The following HDAC9 variants were observed in gnomAD, a reference collection of about 807,000 sequenced individuals.
HDAC9 encodes MEF-2 interacting transcription repressor (MITR) protein.
In HDAC9, 41 loss-of-function variants were observed where a neutral mutation model predicts 139.4. That is an observed-to-expected ratio of 0.29 (90% confidence interval 0.23 to 0.38). HDAC9 has a LOEUF of 0.38. HDAC9 is among the 10% of genes least tolerant of loss of function. HDAC9 has a pLI of 1.00. For missense variants in HDAC9, 1,147 were observed against 1,297.0 expected (o/e 0.88, Z 1.78); for synonymous variants, 517 against 476.2 (o/e 1.09, Z -1.12).
At chr7:18,778,469 T>C (rs555145237) in intron 16 of HDAC9, among the ~76,000 whole-genome samples, 1 of 152,034 alleles carries the variant, frequency 6.6e-6, no homozygotes, top group Non-Finnish European at 1.5e-5. Context: ...GGCTCTAATG[T>C]GCACTGTCCA....
intron 17 of HDAC9, among the ~76,000 whole-genome samples, chr7:18,803,429 C>G (rs762173135): frequency 3.9e-5 from 6 of 152,086 alleles, no homozygotes; most frequent in Non-Finnish European, 8.8e-5. Flanking sequence ...TATCTGAAAC[C>G]TCTGTTCTGG....
intron 2 of HDAC9, among the ~76,000 whole-genome samples, chr7:18,254,176 G>A (rs1362585553): frequency 6.6e-6 from 1 of 152,182 alleles, no homozygotes; most frequent in Non-Finnish European, 1.5e-5. Flanking sequence ...GGTGAATTTG[G>A]AAGCACCTAT....
chr7:18,507,164 C>T (rs1294772840), intron 2 of HDAC9, among the ~76,000 whole-genome samples: 2 of 123,912 alleles, frequency 1.6e-5, no homozygotes, highest in African/African-American at 6.9e-5. Context: ...TCCAAATATT[C>T]ATTACATATT....
intron 2 of HDAC9, among the ~76,000 whole-genome samples, chr7:18,175,768 A>AC (rs57980430): frequency 0.088 from 9,937 of 112,558 alleles, 621 homozygotes; most frequent in Non-Finnish European, 0.12. Context: ...ATTATTTTTA[A>AC]CCCCCCCCCC....
intron 2 of HDAC9, among the ~76,000 whole-genome samples, chr7:18,582,909 T>A (rs1223012764): frequency 6.6e-6 from 1 of 152,210 alleles, no homozygotes; most frequent in Non-Finnish European, 1.5e-5. Flanking sequence ...GCTTAGCCTA[T>A]ACAATGGGGC....
At chr7:18,669,457 G>A (rs575340656) in intron 12 of HDAC9, among the ~76,000 whole-genome samples, 86 of 151,868 alleles carry the variant, frequency 5.7e-4, no homozygotes, top group Non-Finnish European at 9.3e-4. Flanking sequence ...CAACTCTGCC[G>A]TATTCTAAGT....
intron 22 of HDAC9, among the ~76,000 whole-genome samples, chr7:18,927,860 T>C (rs1170919636): frequency 6.6e-6 from 1 of 152,140 alleles, no homozygotes; most frequent in Non-Finnish European, 1.5e-5. Context: ...AGGATGGAGG[T>C]TGCCAGAATC....
intron 1 of HDAC9, among the ~76,000 whole-genome samples, chr7:18,459,467 G>GT (rs976675659): frequency 3.8e-4 from 58 of 151,382 alleles, no homozygotes; most frequent in East Asian, 5.8e-4. Flanking sequence ...TATTTTTCTA[G>GT]TTTTTTTTTA....
intron 1 of HDAC9, among the ~76,000 whole-genome samples, chr7:18,144,688 G>T (rs532920144): frequency 5.9e-5 from 9 of 151,972 alleles, no homozygotes; most frequent in African/African-American, 1.7e-4. Context: ...TTCGTGATCT[G>T]CCCTGATAAG....
chr7:18,384,814 T>A (rs765966564), intron 1 of HDAC9, among the ~76,000 whole-genome samples: 2 of 152,090 alleles, frequency 1.3e-5, no homozygotes, highest in African/African-American at 2.4e-5. Flanking sequence ...TGATCTTTCA[T>A]CAGCAGAAGG....
intron 1 of HDAC9, among the ~76,000 whole-genome samples, chr7:18,110,129 G>A (rs1783510769): frequency 6.6e-6 from 1 of 152,100 alleles, no homozygotes; most frequent in African/African-American, 2.4e-5. Flanking sequence ...CAAGGTGAGT[G>A]GTTTTAAAAG....
chr7:18,144,991 C>G (rs764488501), intron 1 of HDAC9, among the ~76,000 whole-genome samples: 1 of 152,132 alleles, frequency 6.6e-6, no homozygotes, highest in African/African-American at 2.4e-5. Flanking sequence ...TTGTCATCAC[C>G]GACTCTGGGA....
chr7:18,372,276 T>C lies in HDAC9; in HGVS notation c.-42+81761T>C, dbSNP rs75982051. Among the ~76,000 whole-genome samples the C allele has an allele frequency of 7.5e-3, 1,146 of 152,254 alleles. 19 individuals carry two copies. Among genetic ancestry groups the C allele is most frequent in the African/African-American group, 0.027 (1,102 of 41,538 alleles). ...ATGAAGCTTTCCAGGCAGAATGAAA[T>C]ACATGGACACTCATGAGAATCTAGA... On this transcript the variant is annotated intron_variant, in intron 1 of 3. Coordinates refer to the HDAC9 transcript ENST00000413509.
intron 2 of HDAC9, among the ~76,000 whole-genome samples, chr7:18,228,511 T>G (rs1793224823): frequency 6.6e-6 from 1 of 152,102 alleles, no homozygotes; most frequent in Admixed American, 6.6e-5. Context: ...AATAAACAAA[T>G]TATATTTCCT....
chr7:18,150,021 G>A (rs371428208), intron 1 of HDAC9, among the ~76,000 whole-genome samples: 47 of 150,690 alleles, frequency 3.1e-4, no homozygotes, highest in Non-Finnish European at 5.6e-4. Flanking sequence ...AATTCTTGTT[G>A]GTTATTTGCA....
At chr7:18,311,401 C>T (rs551174652) in intron 1 of HDAC9, among the ~76,000 whole-genome samples, 1 of 151,984 alleles carries the variant, frequency 6.6e-6, no homozygotes, top group African/African-American at 2.4e-5. Flanking sequence ...TATTCCCTTC[C>T]ATTTTATTAT....
chr7:18,909,012 C>G (rs1802514336), intron 22 of HDAC9, among the ~76,000 whole-genome samples: 1 of 151,996 alleles, frequency 6.6e-6, no homozygotes, highest in Non-Finnish European at 1.5e-5. Context: ...TTCCCATGAA[C>G]AGTGTATAAG....
chr7:18,407,174 C>T (rs1165578034), intron 1 of HDAC9, among the ~76,000 whole-genome samples: 2 of 152,072 alleles, frequency 1.3e-5, no homozygotes, highest in South Asian at 4.1e-4. Context: ...ATCTCTCAGT[C>T]TGTTGGAGAG....
chr7:18,551,812 A>G (rs915780483), intron 2 of HDAC9, among the ~76,000 whole-genome samples: 3 of 152,186 alleles, frequency 2.0e-5, no homozygotes, highest in East Asian at 1.9e-4. Flanking sequence ...TGGTGTTAAC[A>G]GTTTTTCTGT....
Sources: allele counts gnomAD v4.1 joint callset (sites outside exome capture counted in the v4.1 genomes callset), GRCh38; gene constraint gnomAD v4.1.1; transcripts MANE v1.5; gene names NCBI Gene and HGNC (gene_info 2026-07-23, HGNC 2026-07-21).